The following PAN3 variants were observed in gnomAD, a reference collection of about 807,000 sequenced individuals.
The protein encoded by PAN3 is poly(A) specific ribonuclease subunit PAN3, also known as PAN2-PAN3 deadenylation complex subunit PAN3.
A neutral mutation model predicts 96.2 loss-of-function variants in PAN3; 19 were observed. That is an observed-to-expected ratio of 0.20 (90% confidence interval 0.14 to 0.29). PAN3 has a LOEUF of 0.29. Ranked by LOEUF, PAN3 falls within the 10% of genes least tolerant of loss-of-function variation. PAN3 has a pLI of 1.00. For synonymous variants in PAN3, 433 were observed against 406.6 expected (o/e 1.06, Z -0.78); for missense variants, 882 against 1,108.1 (o/e 0.80, Z 2.90).
At chr13:28,233,969 G>A (rs1316013006) in intron 6 of PAN3, among the ~76,000 whole-genome samples, 1 of 152,136 alleles carries the variant, frequency 6.6e-6, no homozygotes, top group Non-Finnish European at 1.5e-5. Flanking sequence ...TTGCTGGCCA[G>A]GACCCCTAAA....
At chr13:28,215,217 A>C (rs1880580829) in intron 5 of PAN3, 1 of 712,510 alleles carries the variant, frequency 1.4e-6, no homozygotes, top group African/African-American at 1.7e-5. Flanking sequence ...TCTGGACTGC[A>C]TCCTCCCACT....
chr13:28,259,361 C>T (rs558742023), intron 7 of PAN3, among the ~76,000 whole-genome samples: 7 of 150,828 alleles, frequency 4.6e-5, no homozygotes, highest in African/African-American at 1.5e-4. Context: ...AGCTGGAATG[C>T]GTTAGTTCAA....
At chr13:28,189,533 A>G (rs1006382997) in intron 4 of PAN3, among the ~76,000 whole-genome samples, 11 of 139,546 alleles carry the variant, frequency 7.9e-5, no homozygotes, top group African/African-American at 2.7e-4. Context: ...AAAAAACAAA[A>G]CAAAACAAAA....
intron 5 of PAN3, chr13:28,215,318 G>T: frequency 1.4e-6 from 1 of 735,948 alleles, no homozygotes; most frequent in Admixed American, 1.8e-5. Flanking sequence ...ACCGAGTGGA[G>T]ACTGGTGTTC....
intron 6 of PAN3, among the ~76,000 whole-genome samples, chr13:28,237,642 A>T (rs919205487): frequency 1.3e-5 from 2 of 152,220 alleles, no homozygotes; most frequent in Non-Finnish European, 2.9e-5. Context: ...TAACAAGGCT[A>T]TGTAGTATTT....
chr13:28,215,048 T>G, intron 5 of PAN3: 1 of 1,108,968 alleles, frequency 9.0e-7, no homozygotes, highest in Non-Finnish European at 1.4e-6. Context: ...GCACTTATAT[T>G]AATAAAATTG....
In PAN3 at chr13:28,241,704, A is replaced by G. The variant is rs548533107; in HGVS notation, c.1001-14588A>G. Among the ~76,000 whole-genome samples, 5 of 152,356 alleles carry G rather than the reference A, an allele frequency of 3.3e-5. No individual in the cohort carries two copies. The East Asian group carries it at 5.8e-4, about 18-fold the overall frequency. ...AAACACAGTGTCTGTGTTTTGGGCT[A>G]TAAGTGTGTATTCTTTAATTTTGGG... On this transcript the variant is annotated intron_variant, in intron 6 of 18. Transcript: ENST00000380958.
chr13:28,243,813 T>A (rs1461661255), intron 6 of PAN3, among the ~76,000 whole-genome samples: 1 of 152,124 alleles, frequency 6.6e-6, no homozygotes, highest in Non-Finnish European at 1.5e-5. Context: ...CTCAGCCTCC[T>A]GAGTAGCTGG....
chr13:28,260,343 G>C lies in PAN3; in HGVS notation c.1249-104G>C. 3.7e-6 allele frequency: 3 copies of C among 802,014 alleles called. No homozygotes were observed. In the Admixed American group the frequency reaches 6.2e-5, roughly 17 times the overall value. 49.7% of individuals were successfully genotyped at this position (802,014 alleles called of 1,614,324 possible). On this transcript the variant is annotated intron_variant, in intron 7 of 18. Transcript: ENST00000380958. ...CGGGAGGCAGAGCTTGTAGTGAGCCGAGATTGCGCCACTGAACTCCAGCCT... is the reference window on the plus strand; with the variant it reads ...CGGGAGGCAGAGCTTGTAGTGAGCCCAGATTGCGCCACTGAACTCCAGCCT...
intron 18 of PAN3, 54 bp from the exon 19 acceptor site, chr13:28,292,328 T>G: frequency 6.8e-7 from 1 of 1,473,958 alleles, no homozygotes; most frequent in Non-Finnish European, 9.0e-7. Context: ...CAAACGTAGA[T>G]AAATTCTTTT....
At chr13:28,253,005 A>T (rs1197437850) in intron 6 of PAN3, among the ~76,000 whole-genome samples, 1 of 152,172 alleles carries the variant, frequency 6.6e-6, no homozygotes, top group East Asian at 1.9e-4. Flanking sequence ...TATGTGTGAA[A>T]CATGAAATTT....
At chr13:28,221,877 C>T (rs1881448855) in intron 6 of PAN3, among the ~76,000 whole-genome samples, 1 of 152,166 alleles carries the variant, frequency 6.6e-6, no homozygotes, top group Non-Finnish European at 1.5e-5. Context: ...TTTACATGAG[C>T]ATAATCTGCA....
intron 9 of PAN3, among the ~76,000 whole-genome samples, chr13:28,266,070 A>G (rs1886138353): frequency 6.6e-6 from 1 of 151,808 alleles, no homozygotes; most frequent in Admixed American, 6.6e-5. Flanking sequence ...ACATAATGCC[A>G]TGTTTTAAAA....
At chr13:28,282,340 G>GT (rs11406834) in intron 17 of PAN3, among the ~76,000 whole-genome samples, 39,038 of 143,552 alleles carry the variant, frequency 0.27, 6,567 homozygotes, top group African/African-American at 0.49. Flanking sequence ...TTGAGGGGTT[G>GT]TTTTTTTTTT....
chr13:28,215,814 G>A (rs1471440185), intron 5 of PAN3: 2 of 1,366,304 alleles, frequency 1.5e-6, no homozygotes, highest in Non-Finnish European at 2.1e-6. Flanking sequence ...AGTTGCTGTG[G>A]GTGTCATCAA....
At chr13:28,140,697 C>G (rs977771493) in intron 1 of PAN3, among the ~76,000 whole-genome samples, 6 of 139,704 alleles carry the variant, frequency 4.3e-5, no homozygotes, top group Admixed American at 2.7e-4. Context: ...TTGTTCTGTT[C>G]TGTTCTTTTC....
intron 15 of PAN3, among the ~76,000 whole-genome samples, chr13:28,279,474 T>C (rs751103845): frequency 5.3e-5 from 8 of 152,124 alleles, no homozygotes; most frequent in Non-Finnish European, 1.2e-4. Context: ...ACCTTTTCTT[T>C]TTTGGCCGGG....
In PAN3 at chr13:28,256,150, G is replaced by A. The variant is rs952857546; in HGVS notation, c.1001-142G>A. On this transcript the variant is annotated intron_variant, in intron 6 of 18. Transcript: ENST00000380958. Reference sequence around the variant, plus strand: ...CAGAGCTTTTTCTACAACAAAACAAGATAAAATTATTTCCTTCATCTTTGC... The same window carrying A: ...CAGAGCTTTTTCTACAACAAAACAAAATAAAATTATTTCCTTCATCTTTGC... 10 of 916,684 alleles carry A rather than the reference G, an allele frequency of 1.1e-5. No individual in the cohort carries two copies. In the African/African-American group the frequency reaches 1.5e-4, roughly 14 times the overall value. The allele number at this position is 916,684 out of a possible 1,614,324, so 56.8% of individuals were successfully genotyped here.
chr13:28,208,644 A>G, intron 5 of PAN3, among the ~76,000 whole-genome samples: 1 of 152,190 alleles, frequency 6.6e-6, no homozygotes. Flanking sequence ...GTTTGAGCTC[A>G]AAAAGTTTCA....
Sources: allele counts gnomAD v4.1 joint callset (sites outside exome capture counted in the v4.1 genomes callset), GRCh38; gene constraint gnomAD v4.1.1; transcripts MANE v1.5; gene names NCBI Gene and HGNC (gene_info 2026-07-23, HGNC 2026-07-21).